ZNF695: variants seen among roughly 807,000 people sequenced by gnomAD.
The protein encoded by ZNF695 is zinc finger protein SBZF3.
In ZNF695, 11 loss-of-function variants were observed where a neutral mutation model predicts 11.2. The observed-to-expected ratio is 0.98, with a 90% CI of 0.62 to 1.62. ZNF695 has a LOEUF of 1.62. Among genes scored for constraint, ZNF695 ranks in the 40% most tolerant of loss-of-function variants. The probability of loss-of-function intolerance (pLI) is 0.00; values close to 1 mark genes in which losing one functional copy is unlikely to be tolerated. For synonymous variants in ZNF695, 190 were observed against 201.4 expected (o/e 0.94, Z 0.48); for missense variants, 559 against 590.5 (o/e 0.95, Z 0.55).
intron 1 of ZNF695, among the ~76,000 whole-genome samples, chr1:247,006,790 A>G (rs996601080): frequency 6.6e-6 from 1 of 152,200 alleles, no homozygotes; most frequent in Non-Finnish European, 1.5e-5. Context: ...CTTGCCATAC[A>G]TTTGAAAAAT....
intron 4 of ZNF695, among the ~76,000 whole-genome samples, chr1:246,971,321 G>A (rs758056665): frequency 3.3e-5 from 5 of 152,230 alleles, no homozygotes; most frequent in East Asian, 3.9e-4. Context: ...TGTACAGGGC[G>A]GAACATGAAA....
intron 1 of ZNF695, among the ~76,000 whole-genome samples, chr1:247,004,020 C>CT (rs1669465602): frequency 6.6e-6 from 1 of 152,180 alleles, no homozygotes; most frequent in Non-Finnish European, 1.5e-5. Context: ...TGAGATCAGC[C>CT]TGGCCAACAT....
intron 4 of ZNF695, chr1:246,968,418 G>C (rs1668341316): frequency 6.6e-6 from 1 of 152,356 alleles, no homozygotes; most frequent in African/African-American, 2.4e-5. Flanking sequence ...GGCTCTGCAG[G>C]GCTTAGTGCC....
chr1:246,979,123 C>T (rs1374645950), intron 4 of ZNF695, among the ~76,000 whole-genome samples: 1 of 152,166 alleles, frequency 6.6e-6, no homozygotes, highest in Non-Finnish European at 1.5e-5. Flanking sequence ...AAAGTCTTTA[C>T]ATGGCCTGGG....
chr1:246,970,428 A>G (rs1384877730), intron 4 of ZNF695, among the ~76,000 whole-genome samples: 2 of 152,142 alleles, frequency 1.3e-5, no homozygotes, highest in Non-Finnish European at 2.9e-5. Context: ...TGCTGAGTTG[A>G]GGAAAGACTG....
downstream of ZNF695, among the ~76,000 whole-genome samples, chr1:246,980,562 G>A (rs554149097): frequency 2.6e-5 from 4 of 151,878 alleles, no homozygotes; most frequent in Admixed American, 1.3e-4. Context: ...GATTACAGGC[G>A]TGCACCACCA....
chr1:246,991,062 G>A (rs565964248), intron 3 of ZNF695, among the ~76,000 whole-genome samples: 75 of 151,946 alleles, frequency 4.9e-4, no homozygotes, highest in African/African-American at 1.7e-3. Context: ...AAAAGCAAGC[G>A]CAAACAAAAC....
chr1:246,986,955 G>C lies in ZNF695; in HGVS notation c.*12C>G. ...AGACTATGCCATATTGTTTAGAATT[G>C]TAGGGTTTTTCTCAGGTATGAGTTT... On this transcript the variant is annotated 3_prime_UTR_variant, in exon 4 of 4. Coordinates refer to ENST00000339986, the MANE Select transcript of ZNF695 (RefSeq NM_020394.5). 6.4e-7 allele frequency: 1 copy of C among 1,552,308 alleles called. No homozygotes were observed. The highest frequency in any genetic ancestry group is 8.7e-7 in the Non-Finnish European group (1 of 1,155,502).
chr1:246,973,058 A>T (rs1668468782), intron 4 of ZNF695, among the ~76,000 whole-genome samples: 1 of 150,522 alleles, frequency 6.6e-6, no homozygotes, highest in African/African-American at 2.4e-5. Context: ...ATATATATAT[A>T]TATATTTTGA....
intron 5 of ZNF695, among the ~76,000 whole-genome samples, chr1:246,951,056 T>C (rs1295849766): frequency 3.9e-5 from 6 of 152,166 alleles, no homozygotes; most frequent in Non-Finnish European, 8.8e-5. Context: ...ATTCATATTG[T>C]AGGAATATTG....
In ZNF695 at chr1:246,996,307, G is replaced by A. The variant is rs150228882; in HGVS notation, c.259+3041C>T. 2.9e-3 allele frequency: 702 copies of A among 243,208 alleles called. 5 individuals carry two copies. The highest frequency in any genetic ancestry group is 0.018 in the Middle Eastern group (11 of 614). The allele number at this position is 243,208 out of a possible 1,614,324, so 15.1% of individuals were successfully genotyped here. On this transcript the variant is annotated intron_variant, in intron 3 of 3. Transcript: ENST00000339986. ...AAGGTGGAGGCTGCAGTGAGCTGAA[G>A]TCGGGCCATGCACTCCAGCCTTGGC...
intron 4 of ZNF695, among the ~76,000 whole-genome samples, chr1:246,977,976 A>T (rs906828622): frequency 6.6e-6 from 1 of 152,252 alleles, no homozygotes; most frequent in Non-Finnish European, 1.5e-5. Context: ...CTAATAGGAC[A>T]GGGAATGTTA....
At chr1:246,976,815 A>T (rs1668581066) in intron 4 of ZNF695, among the ~76,000 whole-genome samples, 1 of 152,272 alleles carries the variant, frequency 6.6e-6, no homozygotes, top group South Asian at 2.1e-4. Flanking sequence ...TAAATAAATA[A>T]ATAACACTGA....
Position 246,987,521 on chromosome 1 carries a change from C to A in ZNF695, c.994G>T (p.Val332Phe). The change falls in exon 4 of 4, where the codon GTC becomes TTC. Residue 332 changes from valine (V) to phenylalanine (F), a missense_variant. Transcript: ENST00000339986. The part of the protein sequence containing the change: ...KPYKCEECGK[V>F]FKLLSYLTQH... Reference sequence around the variant, plus strand: ...GTAAGGTATGACAACAATTTAAAGACTTTGCCACATTCTTCACACTTGTAG... The same window carrying A: ...GTAAGGTATGACAACAATTTAAAGAATTTGCCACATTCTTCACACTTGTAG... 1.9e-6 allele frequency: 3 copies of A among 1,605,172 alleles called. No homozygotes were observed. Among genetic ancestry groups the A allele is most frequent in the Non-Finnish European group, 2.6e-6 (3 of 1,176,324 alleles).
chr1:246,985,471 G>A lies in ZNF695; in HGVS notation c.*1496C>T. The A allele has an allele frequency of 1.0e-6, 1 of 985,282 alleles. No individual in the cohort carries two copies. Among genetic ancestry groups the A allele is most frequent in the Non-Finnish European group, 1.2e-6 (1 of 829,872 alleles). 61.0% of individuals were successfully genotyped at this position (985,282 alleles called of 1,614,324 possible). On this transcript the variant is annotated 3_prime_UTR_variant, in exon 4 of 4. Transcript: ENST00000339986. ...ATGCCACTGGGAGAAGGGATCATTA[G>A]AGATACTATTCCACCATGTTACCCA... is the stretch of plus-strand genomic sequence containing the variant.
intron 3 of ZNF695, among the ~76,000 whole-genome samples, chr1:246,989,778 G>C (rs926055524): frequency 2.6e-5 from 4 of 152,176 alleles, no homozygotes; most frequent in African/African-American, 9.7e-5. Flanking sequence ...AGCTCTTTGG[G>C]AGGCCGAGGC....
intron 5 of ZNF695, among the ~76,000 whole-genome samples, chr1:246,958,140 G>A (rs996360476): frequency 1.3e-5 from 2 of 151,150 alleles, no homozygotes. Flanking sequence ...CTCACTGCAA[G>A]CTCCGCCTCC....
intron 5 of ZNF695, among the ~76,000 whole-genome samples, chr1:246,956,148 C>T (rs942540376): frequency 2.6e-5 from 4 of 151,386 alleles, no homozygotes; most frequent in East Asian, 2.0e-4. Context: ...CCACCAGTCC[C>T]GGCTAATTTT....
chr1:246,986,038 CT>C lies in ZNF695; in HGVS notation c.*928del. 1.0e-6 allele frequency: 1 copy of C among 983,434 alleles called. No individual in the cohort carries two copies. The highest frequency in any genetic ancestry group is 1.2e-6 in the Non-Finnish European group (1 of 828,182). The allele number at this position is 983,434 out of a possible 1,614,324, so 60.9% of individuals were successfully genotyped here. A position where few individuals can be genotyped will look rare whatever the true frequency, so the allele number is the denominator to read the frequency against. The stretch of plus-strand genomic sequence containing the variant: ...TGTGATTTTCAAAAAAGCTAAAACT[CT>C]TTCAGTGCACCGAGTATACTTTATT... On this transcript the variant is annotated 3_prime_UTR_variant, in exon 4 of 4. Coordinates refer to ENST00000339986, the MANE Select transcript of ZNF695 (RefSeq NM_020394.5).
Sources: allele counts gnomAD v4.1 joint callset (sites outside exome capture counted in the v4.1 genomes callset), GRCh38; gene constraint gnomAD v4.1.1; transcripts MANE v1.5; gene names NCBI Gene and HGNC (gene_info 2026-07-23, HGNC 2026-07-21).